The following COL24A1 variants were observed in gnomAD, a reference collection of about 807,000 sequenced individuals.
The protein encoded by COL24A1 is collagen type XXIV alpha 1 chain.
A neutral mutation model predicts 253.9 loss-of-function variants in COL24A1; 224 were observed. That is an observed-to-expected ratio of 0.88 (90% CI 0.79 to 0.99). The LOEUF is 0.99. Among genes scored for constraint, COL24A1 ranks in the 50% least tolerant of loss-of-function variants. The pLI is 0.00. For synonymous variants in COL24A1, 685 were observed against 673.7 expected (o/e 1.02, Z -0.26); for missense variants, 2,131 against 2,068.5 (o/e 1.03, Z -0.59).
rs372189936 is a variant in COL24A1 at position 86,089,157 on chromosome 1, G to A, written c.1707+17C>T. 28 of 1,556,654 alleles carry A rather than the reference G, an allele frequency of 1.8e-5. No homozygotes were observed. The highest frequency in any genetic ancestry group is 1.7e-4 in the Middle Eastern group (1 of 5,734). On this transcript the variant is annotated intron_variant, in intron 7 of 59. Transcript: ENST00000370571. ...AAAAAAGAAGAAAAAAAGAAAAGAA[G>A]TAAAATTCCAACTTACCTTATCACC...
chr1:85,781,154 G>T, intron 52 of COL24A1, 66 bp downstream of exon 52: 5 of 1,145,288 alleles, frequency 4.4e-6, no homozygotes, highest in Non-Finnish European at 6.2e-6. Flanking sequence ...ATTCTTTGTA[G>T]AATATTCTAG....
chr1:85,760,600 A>G (rs1303342746), intron 55 of COL24A1, among the ~76,000 whole-genome samples: 1 of 152,164 alleles, frequency 6.6e-6, no homozygotes, highest in Non-Finnish European at 1.5e-5. Context: ...TCTAAATGAC[A>G]TCAGAGCAGC....
At chr1:85,988,415 T>A (rs1217871654) in intron 19 of COL24A1, among the ~76,000 whole-genome samples, 1 of 152,014 alleles carries the variant, frequency 6.6e-6, no homozygotes, top group Non-Finnish European at 1.5e-5. Flanking sequence ...TTAAATACAA[T>A]CTATGCTGGG....
At chr1:86,104,677 G>A (rs1704782448) in intron 5 of COL24A1, among the ~76,000 whole-genome samples, 1 of 152,190 alleles carries the variant, frequency 6.6e-6, no homozygotes, top group Non-Finnish European at 1.5e-5. Context: ...TGGACTACAT[G>A]CTCTAACACT....
chr1:85,951,912 G>A (rs1007259491), intron 24 of COL24A1, among the ~76,000 whole-genome samples: 1 of 152,096 alleles, frequency 6.6e-6, no homozygotes, highest in Admixed American at 6.5e-5. Flanking sequence ...CACAAAGGTG[G>A]CTATATTTGT....
chr1:86,039,254 G>A (rs1224852892), intron 12 of COL24A1, among the ~76,000 whole-genome samples: 1 of 152,116 alleles, frequency 6.6e-6, no homozygotes, highest in Non-Finnish European at 1.5e-5. Flanking sequence ...ACCAAAAGAA[G>A]TTTGTTAGAC....
chr1:85,831,792 T>A (rs1016660506), intron 43 of COL24A1, among the ~76,000 whole-genome samples: 1 of 151,988 alleles, frequency 6.6e-6, no homozygotes, highest in Non-Finnish European at 1.5e-5. Flanking sequence ...TGACAGAACA[T>A]GTTAGGTAGA....
At chr1:85,998,208 G>T (rs1392913788) in intron 19 of COL24A1, among the ~76,000 whole-genome samples, 1 of 152,156 alleles carries the variant, frequency 6.6e-6, no homozygotes, top group Non-Finnish European at 1.5e-5. Context: ...TACAAATGCT[G>T]TTTCCTCTGG....
intron 25 of COL24A1, 32 bp downstream of exon 25, chr1:85,911,347 TC>T: frequency 6.4e-7 from 1 of 1,563,850 alleles, no homozygotes; most frequent in Non-Finnish European, 8.8e-7. Context: ...CTAGATTTCT[TC>T]CTATAAAACA....
rs1009704925 is a variant in COL24A1, at chr1:85,746,102, C to CT, written c.4438-597dup. ...ACTGAGCACAACCATTAGTAAAAGT[C>CT]TTTTTTTTTTGTAATTCTTTTAAAA... On this transcript the variant is annotated intron_variant, in intron 55 of 59. Transcript: ENST00000370571. Among the ~76,000 whole-genome samples, 193 of 148,274 alleles carry CT rather than the reference C, an allele frequency of 1.3e-3. 1 individual carries two copies. Among genetic ancestry groups the CT allele is most frequent in the Middle Eastern group, 7.0e-3 (2 of 284 alleles).
At chr1:85,738,961 G>T (rs1208385030) in intron 57 of COL24A1, among the ~76,000 whole-genome samples, 1 of 152,126 alleles carries the variant, frequency 6.6e-6, no homozygotes, top group South Asian at 2.1e-4. Context: ...AGTCTGGGGT[G>T]GGGCTTAAGA....
chr1:85,981,407 A>T (rs1693246696), intron 20 of COL24A1, among the ~76,000 whole-genome samples: 1 of 152,208 alleles, frequency 6.6e-6, no homozygotes, highest in African/African-American at 2.4e-5. Flanking sequence ...AGGACACCCT[A>T]TTCAACAAAT....
intron 9 of COL24A1, among the ~76,000 whole-genome samples, chr1:86,058,396 C>T (rs1357676980): frequency 6.6e-6 from 1 of 150,812 alleles, no homozygotes; most frequent in African/African-American, 2.4e-5. Context: ...TATTATATAA[C>T]ATATATTATC....
At chr1:85,841,694 C>T (rs1053604445) in intron 41 of COL24A1, among the ~76,000 whole-genome samples, 2 of 152,046 alleles carry the variant, frequency 1.3e-5, no homozygotes, top group African/African-American at 4.8e-5. Context: ...TTGAGTCCAA[C>T]CTGGGCAACA....
intron 35 of COL24A1, among the ~76,000 whole-genome samples, chr1:85,869,843 A>G (rs1680232204): frequency 1.3e-5 from 2 of 151,210 alleles, no homozygotes; most frequent in Non-Finnish European, 3.0e-5. Context: ...ATTCACACAC[A>G]ACGATATTAA....
chr1:85,891,343 C>T (rs888003537), intron 31 of COL24A1, among the ~76,000 whole-genome samples: 4 of 151,666 alleles, frequency 2.6e-5, no homozygotes, highest in African/African-American at 4.8e-5. Context: ...GGATTACAGG[C>T]GTGAGCCTCT....
chr1:85,783,482 G>T lies in COL24A1; in HGVS notation c.4284+14C>A. ...AACCACAATTTCTGGTAGGCAGAAT[G>T]ACTTTACACTTACTCTGTGTCCAAT... On this transcript the variant is annotated intron_variant, in intron 51 of 59. Transcript: ENST00000370571. The T allele has an allele frequency of 6.2e-7, 1 of 1,611,446 alleles. No homozygotes were observed. The highest frequency in any genetic ancestry group is 1.1e-5 in the South Asian group (1 of 90,866).
chr1:86,011,168 C>T (rs1696451565), intron 19 of COL24A1, among the ~76,000 whole-genome samples: 1 of 144,308 alleles, frequency 6.9e-6, no homozygotes, highest in African/African-American at 2.8e-5. Context: ...ATATGAGTTT[C>T]CTTACATGGT....
At chr1:85,830,887 G>A (rs879671294) in intron 43 of COL24A1, among the ~76,000 whole-genome samples, 54 of 152,240 alleles carry the variant, frequency 3.5e-4, no homozygotes, top group African/African-American at 8.7e-4. Context: ...TGTCTTCTGC[G>A]TTGCTCACGC....
Sources: allele counts gnomAD v4.1 joint callset (sites outside exome capture counted in the v4.1 genomes callset), GRCh38; gene constraint gnomAD v4.1.1; transcripts MANE v1.5; gene names NCBI Gene and HGNC (gene_info 2026-07-23, HGNC 2026-07-21).